Variants in CCSER1 observed in about 807,000 individuals in gnomAD.
CCSER1 encodes the protein serine-rich coiled-coil domain-containing protein 1.
Under a neutral mutation model 82.0 loss-of-function variants are expected in CCSER1, and 41 were observed. The ratio of observed to expected loss-of-function variants is 0.50; its 90% CI spans 0.39 to 0.65. CCSER1 has a LOEUF of 0.65. CCSER1 is among the 30% of genes least tolerant of loss of function. The pLI, the probability that CCSER1 is intolerant of heterozygous loss-of-function variation, is 0.00. For missense variants in CCSER1, 1,119 were observed against 1,064.2 expected, an observed-to-expected ratio of 1.05 and a Z score of -0.72; for synonymous variants, 414 against 383.9, an observed-to-expected ratio of 1.08 and a Z score of -0.92.
chr4:90,987,377 T>G (rs867599876), intron 9 of CCSER1, among the ~76,000 whole-genome samples: 3 of 151,668 alleles, frequency 2.0e-5, no homozygotes, highest in Middle Eastern at 3.4e-3. Flanking sequence ...ACCATTATAT[T>G]GCTTATGACA....
At chr4:91,436,589 T>C (rs1754664460) in intron 10 of CCSER1, among the ~76,000 whole-genome samples, 1 of 152,210 alleles carries the variant, frequency 6.6e-6, no homozygotes, top group Admixed American at 6.5e-5. Flanking sequence ...ATTTACAGTA[T>C]ACATAATGCT....
intron 1 of CCSER1, among the ~76,000 whole-genome samples, chr4:90,265,194 C>G (rs936418610): frequency 6.6e-6 from 1 of 151,826 alleles, no homozygotes; most frequent in African/African-American, 2.4e-5. Context: ...TTATACCTAC[C>G]TATATTCCTG....
intron 10 of CCSER1, among the ~76,000 whole-genome samples, chr4:91,203,542 T>C (rs1442631901): frequency 6.6e-6 from 1 of 151,768 alleles, no homozygotes; most frequent in African/African-American, 2.4e-5. Context: ...TCTGTATGTG[T>C]ATATGTAAAA....
intron 3 of CCSER1, among the ~76,000 whole-genome samples, chr4:90,349,924 A>G (rs1024542627): frequency 5.3e-5 from 8 of 152,152 alleles, no homozygotes; most frequent in African/African-American, 9.6e-5. Flanking sequence ...CTAAACTGTC[A>G]TAACCCAAAG....
chr4:91,295,286 T>C (rs1369195274), intron 10 of CCSER1, among the ~76,000 whole-genome samples: 1 of 151,976 alleles, frequency 6.6e-6, no homozygotes, highest in South Asian at 2.1e-4. Context: ...TCTTAGTTTT[T>C]ATAGGATATA....
At chr4:90,393,612 A>G (rs1751514173) in intron 3 of CCSER1, among the ~76,000 whole-genome samples, 1 of 152,132 alleles carries the variant, frequency 6.6e-6, no homozygotes, top group African/African-American at 2.4e-5. Flanking sequence ...GCCTGTTCTG[A>G]TAGTTATTTG....
chr4:90,639,464 A>G (rs1367009201), intron 6 of CCSER1, among the ~76,000 whole-genome samples: 3 of 152,072 alleles, frequency 2.0e-5, no homozygotes, highest in Non-Finnish European at 4.4e-5. Context: ...ACAACATGTC[A>G]ATTGAATTTC....
At chr4:91,391,621 G>A (rs1236776433) in intron 10 of CCSER1, among the ~76,000 whole-genome samples, 2 of 152,112 alleles carry the variant, frequency 1.3e-5, no homozygotes, top group Non-Finnish European at 2.9e-5. Context: ...GTTACCTAGA[G>A]ATATGTTATT....
intron 10 of CCSER1, among the ~76,000 whole-genome samples, chr4:91,196,974 ACTC>A (rs1735490849): frequency 6.6e-6 from 1 of 152,170 alleles, no homozygotes; most frequent in African/African-American, 2.4e-5. Context: ...AGAGAAATCT[ACTC>A]CTACAATTTT....
At chr4:90,196,357 A>G (rs1736607718) in intron 1 of CCSER1, among the ~76,000 whole-genome samples, 1 of 152,016 alleles carries the variant, frequency 6.6e-6, no homozygotes, top group South Asian at 2.1e-4. Context: ...AGACTTCCAG[A>G]TAGTGGGATA....
At position 90,186,095 on chromosome 4, in the gene CCSER1, A is replaced by G. The variant is rs73835008; in HGVS notation, c.-42+58264A>G. Among the ~76,000 whole-genome samples the G allele has an allele frequency of 3.1e-3, 466 of 152,158 alleles. 4 individuals are homozygous for G. Among genetic ancestry groups the G allele is most frequent in the African/African-American group, 0.01 (434 of 41,544 alleles). On this transcript the variant is annotated intron_variant, in intron 1 of 10. Transcript: ENST00000509176. Reference sequence around the variant, plus strand: ...CATTGTCTAGGAGTGGAACAGAACAATAAATCTTGGATCTTGATCACCAAG... The same window carrying G: ...CATTGTCTAGGAGTGGAACAGAACAGTAAATCTTGGATCTTGATCACCAAG...
chr4:90,698,796 G>A (rs985533216), intron 6 of CCSER1, among the ~76,000 whole-genome samples: 1 of 152,078 alleles, frequency 6.6e-6, no homozygotes, highest in Non-Finnish European at 1.5e-5. Context: ...TAGAGGTTAC[G>A]GTTTGTAAAC....
intron 10 of CCSER1, among the ~76,000 whole-genome samples, chr4:91,457,539 G>C (rs188141817): frequency 4.6e-5 from 7 of 151,936 alleles, no homozygotes; most frequent in Non-Finnish European, 1.0e-4. Context: ...GTGTGGTGGC[G>C]CATGCCTTTA....
chr4:90,873,095 T>C (rs1056031534), intron 8 of CCSER1, among the ~76,000 whole-genome samples: 4 of 152,078 alleles, frequency 2.6e-5, no homozygotes, highest in African/African-American at 9.7e-5. Context: ...AACCTTTTTG[T>C]ACTTGAATAT....
intron 5 of CCSER1, among the ~76,000 whole-genome samples, chr4:90,592,173 A>G (rs557645302): frequency 6.6e-6 from 1 of 152,322 alleles, no homozygotes; most frequent in East Asian, 1.9e-4. Context: ...CACGTTCTGC[A>G]CATATATCCC....
intron 9 of CCSER1, among the ~76,000 whole-genome samples, chr4:90,930,086 G>T (rs999799700): frequency 6.6e-6 from 1 of 152,016 alleles, no homozygotes; most frequent in Non-Finnish European, 1.5e-5. Flanking sequence ...AGTAATAATA[G>T]ATATCATATT....
rs370642245 is a variant in CCSER1 at position 91,271,908 on chromosome 4, C to A, written c.2217+185914C>A. ...TAGCCAGGATTACAGGCACATGCCA[C>A]CACTCCTGGCTAATTTTGTATTTTT... On this transcript the variant is annotated intron_variant, in intron 10 of 10. Transcript: ENST00000509176. Among the ~76,000 whole-genome samples, 4 of 152,078 alleles carry A rather than the reference C, an allele frequency of 2.6e-5. No individual in the cohort carries two copies. In the East Asian group the frequency reaches 5.8e-4, roughly 22 times the overall value.
At chr4:91,215,587 A>G (rs1318567867) in intron 10 of CCSER1, among the ~76,000 whole-genome samples, 1 of 152,150 alleles carries the variant, frequency 6.6e-6, no homozygotes, top group Non-Finnish European at 1.5e-5. Flanking sequence ...AGCCAGCCTA[A>G]TCTTTCCATG....
At chr4:91,226,094 T>G (rs11097309) in intron 10 of CCSER1, among the ~76,000 whole-genome samples, 19,221 of 151,946 alleles carry the variant, frequency 0.13, 1,354 homozygotes, top group Middle Eastern at 0.18. Flanking sequence ...GATGTTGGTG[T>G]GCTGCACCCA....
Sources: allele counts gnomAD v4.1 joint callset (sites outside exome capture counted in the v4.1 genomes callset), GRCh38; gene constraint gnomAD v4.1.1; transcripts MANE v1.5; gene names NCBI Gene and HGNC (gene_info 2026-07-23, HGNC 2026-07-21).